Variants in TUBGCP3 observed in about 807,000 individuals in gnomAD.
TUBGCP3 encodes gamma-tubulin complex component 3.
A neutral mutation model predicts 123.1 loss-of-function variants in TUBGCP3; 50 were observed. The ratio of observed to expected loss-of-function variants is 0.41; its 90% confidence interval spans 0.32 to 0.51. The LOEUF is 0.51. Among genes scored for constraint, TUBGCP3 ranks in the 20% least tolerant of loss-of-function variants. TUBGCP3 has a pLI of 0.36. For missense variants in TUBGCP3, 882 were observed against 1,127.0 expected (o/e 0.78, Z 3.11); for synonymous variants, 405 against 413.9 (o/e 0.98, Z 0.26).
chr13:112,548,075 A>G lies in TUBGCP3; in HGVS notation c.1035+33T>C, dbSNP rs1343238239. The G allele has an allele frequency of 4.0e-6, 6 of 1,487,762 alleles. No homozygotes were observed. The Admixed American group carries it at 5.8e-5, about 14-fold the overall frequency. The allele number at this position is 1,487,762 out of a possible 1,614,324, so 92.2% of individuals were successfully genotyped here. On this transcript the variant is annotated intron_variant, in intron 9 of 21. Transcript: ENST00000261965. ...CTTCAATTTTGTAACACTTCAAATC[A>G]TAAAGAAATAAAAATAAAAATAAAA... is the stretch of plus-strand genomic sequence containing the variant.
In TUBGCP3 at chr13:112,588,059, T is replaced by C. The variant is rs1882758886; in HGVS notation, c.-79A>G. 8.2e-7 allele frequency: 1 copy of C among 1,216,504 alleles called. No homozygotes were observed. Among genetic ancestry groups the C allele is most frequent in the Non-Finnish European group, 1.1e-6 (1 of 934,250 alleles). The allele number at this position is 1,216,504 out of a possible 1,614,324, so 75.4% of individuals were successfully genotyped here. ...CGCGCAGGGACCGCGGCCCGCGCCC[T>C]TCCTGCGCCCCGCAAGCTCCCTGCT... is the stretch of plus-strand genomic sequence containing the variant. On this transcript the variant is annotated 5_prime_UTR_variant, in exon 1 of 22. Coordinates refer to ENST00000261965, the MANE Select transcript of TUBGCP3 (RefSeq NM_006322.6).
chr13:112,533,743 A>G (rs1877789115), intron 11 of TUBGCP3, among the ~76,000 whole-genome samples: 1 of 148,420 alleles, frequency 6.7e-6, no homozygotes, highest in East Asian at 2.0e-4. Flanking sequence ...CACATCACTG[A>G]CTTGATATTC....
Position 112,519,223 on chromosome 13 carries a change from G to C in TUBGCP3, c.1882-180C>G, listed in dbSNP as rs993766266. 2.0e-5 allele frequency among the ~76,000 whole-genome samples: 3 copies of C among 152,206 alleles called. No individual in the cohort carries two copies. Among genetic ancestry groups the C allele is most frequent in the Non-Finnish European group, 4.4e-5 (3 of 68,038 alleles). On this transcript the variant is annotated intron_variant, in intron 15 of 21. Transcript: ENST00000261965. The surrounding 1 kb of genome is among the most constrained non-coding windows in gnomAD (Gnocchi z 6.2). ...ATTAGGCAATAATGAGCACACAGTA[G>C]GTGCTCTGCAAACATCTGGCAATGC...
Position 112,504,545 on chromosome 13 carries a change from C to CAT in TUBGCP3, c.2175+80_2175+81insAT. The CAT allele has an allele frequency of 5.3e-6, 5 of 947,934 alleles. No homozygotes were observed. In the South Asian group the frequency reaches 6.6e-5, roughly 13 times the overall value. 58.7% of individuals were successfully genotyped at this position (947,934 alleles called of 1,614,324 possible). A position where few individuals can be genotyped will look rare whatever the true frequency, so the allele number is the denominator to read the frequency against. On this transcript the variant is annotated intron_variant, in intron 18 of 21. Transcript: ENST00000261965. ...ACACATATATATACACACATACATACACATATATATATATATATACCATGT... is the reference window on the plus strand; with the variant it reads ...ACACATATATATACACACATACATACATACATATATATATATATATACCATGT...
chr13:112,562,865 G>T (rs1322751658), intron 3 of TUBGCP3, among the ~76,000 whole-genome samples: 2 of 152,182 alleles, frequency 1.3e-5, no homozygotes, highest in African/African-American at 4.8e-5. Context: ...TCTTCGCAAA[G>T]CAGCCGTTTA....
chr13:112,515,602 C>T (rs576289557), intron 17 of TUBGCP3, among the ~76,000 whole-genome samples: 5 of 152,328 alleles, frequency 3.3e-5, no homozygotes, highest in East Asian at 1.9e-4. Context: ...GTACCCTGCC[C>T]GCAGCCATCA....
chr13:112,518,694 G>A (rs1299054439), intron 16 of TUBGCP3, among the ~76,000 whole-genome samples: 2 of 152,094 alleles, frequency 1.3e-5, no homozygotes, highest in Non-Finnish European at 2.9e-5. Context: ...AAGAATAATG[G>A]AAGAAAATGA....
rs112742278 is a variant in TUBGCP3 at position 112,496,322 on chromosome 13, A to C, written c.2448+2723T>G. 9.2e-3 allele frequency among the ~76,000 whole-genome samples: 1,403 copies of C among 152,356 alleles called. 18 individuals are homozygous for C. Among genetic ancestry groups the C allele is most frequent in the African/African-American group, 0.032 (1,333 of 41,586 alleles). ...AGAAGGGCCCTTTGGAGTCCCCCAC[A>C]CAATGGCAGCATAAGAACATGGTGG... On this transcript the variant is annotated intron_variant, in intron 20 of 21. Coordinates refer to ENST00000261965, the MANE Select transcript of TUBGCP3 (RefSeq NM_006322.6).
At chr13:112,526,584 C>T (rs577051298) in intron 13 of TUBGCP3, among the ~76,000 whole-genome samples, 35 of 146,476 alleles carry the variant, frequency 2.4e-4, no homozygotes, top group African/African-American at 8.8e-4. Context: ...ATCACACCAT[C>T]ACCACATCAT....
At chr13:112,577,603 AC>A (rs1881922518) in intron 1 of TUBGCP3, among the ~76,000 whole-genome samples, 1 of 152,178 alleles carries the variant, frequency 6.6e-6, no homozygotes, top group Admixed American at 6.5e-5. Flanking sequence ...AATCTAAATA[AC>A]TATGGAGCTT....
intron 11 of TUBGCP3, among the ~76,000 whole-genome samples, chr13:112,534,665 A>T (rs1014661815): frequency 6.6e-6 from 1 of 152,354 alleles, no homozygotes; most frequent in African/African-American, 2.4e-5. Flanking sequence ...GGTGAACAGG[A>T]GCACCTCAAC....
the TUBGCP3 span, among the ~76,000 whole-genome samples, chr13:112,598,004 T>G: frequency 6.6e-6 from 1 of 151,984 alleles, no homozygotes; most frequent in South Asian, 2.1e-4. Flanking sequence ...CCGAGGCAAA[T>G]GTAAGCAAAA....
At chr13:112,525,009 C>T (rs1411433668) in intron 13 of TUBGCP3, among the ~76,000 whole-genome samples, 1 of 152,152 alleles carries the variant, frequency 6.6e-6, no homozygotes, top group Non-Finnish European at 1.5e-5. Context: ...TCTTCCTGAT[C>T]CCCAGCCCTC....
At chr13:112,581,114 G>A (rs1179167864) in intron 1 of TUBGCP3, among the ~76,000 whole-genome samples, 2 of 152,032 alleles carry the variant, frequency 1.3e-5, no homozygotes, top group African/African-American at 2.4e-5. Flanking sequence ...TTGCACTCCT[G>A]CTATTCCTGG....
At position 112,519,994 on chromosome 13, in the gene TUBGCP3, A is replaced by G. The variant is rs1876477472; in HGVS notation, c.1773T>C (p.Thr591=). The change falls in exon 15 of 22, where the codon ACT becomes ACC. Residue 591 remains threonine (T), a synonymous_variant. Coordinates refer to ENST00000261965, the MANE Select transcript of TUBGCP3 (RefSeq NM_006322.6). This position sits in a 1 kb window ranked among gnomAD's most constrained non-coding sequence, Gnocchi z 6.2. ...TTCCAGTCAAGTTATGCTGATACAA[A>G]GTCGTAGCTGGACGGACAAGTTCTG... is the stretch of plus-strand genomic sequence containing the variant. ...LKPELVRPAT[T]LYQHNLTGIL... is the part of the protein sequence containing the mutation. The G allele has an allele frequency of 6.2e-7, 1 of 1,613,900 alleles. No homozygotes were observed. Among genetic ancestry groups the G allele is most frequent in the South Asian group, 1.1e-5 (1 of 91,070 alleles).
chr13:112,603,233 A>T, the TUBGCP3 span: 1 of 152,170 alleles, frequency 6.6e-6, no homozygotes, highest in Admixed American at 6.5e-5. Context: ...ATGATCACAG[A>T]TTTGCATACA....
chr13:112,497,592 C>T (rs1021572805), intron 20 of TUBGCP3, among the ~76,000 whole-genome samples: 5 of 152,216 alleles, frequency 3.3e-5, no homozygotes, highest in African/African-American at 1.2e-4. Context: ...TAAAGACAGA[C>T]ACATGCTGAG....
intron 17 of TUBGCP3, among the ~76,000 whole-genome samples, chr13:112,515,071 T>C (rs895863446): frequency 1.1e-4 from 17 of 152,166 alleles, no homozygotes; most frequent in Non-Finnish European, 2.2e-4. Flanking sequence ...AAAATATGCA[T>C]TTTCCCATAC....
intron 11 of TUBGCP3, among the ~76,000 whole-genome samples, chr13:112,541,655 A>C (rs972702811): frequency 6.6e-6 from 1 of 152,240 alleles, no homozygotes; most frequent in Non-Finnish European, 1.5e-5. Context: ...ATCTCAAGAC[A>C]GAAGTATTGC....
Sources: gnomAD v4.1 joint callset for allele counts (sites outside exome capture counted in the v4.1 genomes callset) on GRCh38, gnomAD v4.1.1 for gene constraint, Gnocchi (gnomAD v3.1) non-coding constraint, MANE v1.5 for transcripts, NCBI Gene and HGNC (gene_info 2026-07-23, HGNC 2026-07-21) for gene names.